The following AFF2 variants were observed in gnomAD, a reference collection of about 807,000 sequenced individuals.
AFF2 encodes the protein ALF transcription elongation factor 2.
In AFF2, 14 loss-of-function variants were observed where a neutral mutation model predicts 76.9. The ratio of observed to expected loss-of-function variants is 0.18; its 90% CI spans 0.12 to 0.28. The LOEUF (loss-of-function observed/expected upper bound fraction) is 0.28. AFF2 is among the 10% of genes least tolerant of loss of function. The pLI is 1.00. For missense variants in AFF2, 868 were observed against 1,001.1 expected (o/e 0.87, Z 1.79); for synonymous variants, 398 against 366.7 (o/e 1.09, Z -0.98).
intron 16 of AFF2, among the ~76,000 whole-genome samples, chrX:148,975,683 G>A (rs2085626998): frequency 4.6e-5 from 5 of 109,368 alleles, no homozygotes; most frequent in Admixed American, 2.0e-4. Flanking sequence ...GGTGGCTCAC[G>A]CCTGTAATCC....
intron 1 of AFF2, among the ~76,000 whole-genome samples, chrX:148,537,023 AT>A (rs1338319287): frequency 1.8e-5 from 2 of 112,552 alleles, no homozygotes; most frequent in African/African-American, 6.5e-5. Context: ...ATTAAAGAAA[AT>A]TTTAATTAAA....
chrX:148,618,157 C>G lies in AFF2; in HGVS notation c.48-33842C>G, dbSNP rs1557250750. 3.6e-5 allele frequency among the ~76,000 whole-genome samples: 4 copies of G among 111,189 alleles called. No homozygotes were observed. In the East Asian group the frequency reaches 8.5e-4, roughly 24 times the overall value. On this transcript the variant is annotated intron_variant, in intron 1 of 20. Transcript: ENST00000370460. Reference sequence around the variant, plus strand: ...CTAACTCTTTAAAAGTTCTAAATATCTGTTTGAGTCATTAAAAAAAATCTT... The same window carrying G: ...CTAACTCTTTAAAAGTTCTAAATATGTGTTTGAGTCATTAAAAAAAATCTT...
chrX:148,861,238 T>C (rs2070844823), intron 7 of AFF2, among the ~76,000 whole-genome samples: 1 of 111,947 alleles, frequency 8.9e-6, no homozygotes, highest in African/African-American at 3.2e-5. Flanking sequence ...TTAGGCTATA[T>C]GGTCTTATTT....
chrX:148,573,353 G>A (rs1557242815), intron 1 of AFF2, among the ~76,000 whole-genome samples: 1 of 111,223 alleles, frequency 9.0e-6, no homozygotes, highest in African/African-American at 3.3e-5. Context: ...TGCAATGAGT[G>A]GTCTTGGGGT....
chrX:148,630,130 A>G (rs2053965612), intron 1 of AFF2, among the ~76,000 whole-genome samples: 2 of 111,406 alleles, frequency 1.8e-5, no homozygotes, highest in Admixed American at 9.5e-5. Context: ...GGGTCTTACC[A>G]GAGCTTCTCT....
chrX:148,549,191 A>G (rs1052571149), intron 1 of AFF2, among the ~76,000 whole-genome samples: 1 of 112,297 alleles, frequency 8.9e-6, no homozygotes, highest in Non-Finnish European at 1.9e-5. Flanking sequence ...GCTTGGAAAT[A>G]GCAGAGACTC....
chrX:148,763,223 A>G (rs185645888), intron 3 of AFF2, among the ~76,000 whole-genome samples: 1 of 112,250 alleles, frequency 8.9e-6, no homozygotes, highest in East Asian at 2.8e-4. Flanking sequence ...CTGATAAAGT[A>G]TTTAGTGAAT....
At chrX:148,885,511 T>G (rs2124145578) in intron 7 of AFF2, among the ~76,000 whole-genome samples, 1 of 111,101 alleles carries the variant, frequency 9.0e-6, no homozygotes, top group Non-Finnish European at 1.9e-5. Flanking sequence ...CATGCCCCTC[T>G]TCTTTCATGG....
chrX:148,999,018 C>G lies in AFF2; in HGVS notation c.*7686C>G, dbSNP rs966548759. 2.7e-5 allele frequency: 3 copies of G among 111,213 alleles called. No homozygotes were observed. The highest frequency in any genetic ancestry group is 1.9e-4 in the Admixed American group (2 of 10,422). The allele number at this position is 111,213 out of a possible 1,213,427, so 9.2% of individuals were successfully genotyped here. A position where few individuals can be genotyped will look rare whatever the true frequency, so the allele number is the denominator to read the frequency against. ...TATCGATGGGTTTTCAAAGAATGCT[C>G]CATGTTCATTGGGCCCTTTCACACC... On this transcript the variant is annotated 3_prime_UTR_variant, in exon 21 of 21. Transcript: ENST00000370460.
intron 3 of AFF2, among the ~76,000 whole-genome samples, chrX:148,664,601 T>G (rs782542935): frequency 8.9e-6 from 1 of 112,108 alleles, no homozygotes; most frequent in Non-Finnish European, 1.9e-5. Context: ...TTGTAGTGAT[T>G]TAGTTATGTT....
chrX:148,771,152 G>A (rs1380171399), intron 3 of AFF2, among the ~76,000 whole-genome samples: 2 of 111,730 alleles, frequency 1.8e-5, no homozygotes, highest in Non-Finnish European at 3.8e-5. Context: ...AAGGAAGCCC[G>A]CATATGGATT....
chrX:148,524,994 T>C (rs797035471), intron 1 of AFF2, among the ~76,000 whole-genome samples: 2 of 112,423 alleles, frequency 1.8e-5, no homozygotes, highest in South Asian at 7.2e-4. Flanking sequence ...AAATTAACTG[T>C]ACAAAAAGCT....
At position 148,631,872 on chromosome X, in the gene AFF2, T is replaced by C. The variant is rs1046625936; in HGVS notation, c.48-20127T>C. ...CCACAAAGGCTCAGATCAGCTATGG[T>C]TCAAACTTCTGTTTGTGTGGATATG... On this transcript the variant is annotated intron_variant, in intron 1 of 20. Coordinates refer to ENST00000370460, the MANE Select transcript of AFF2 (RefSeq NM_002025.4). Among the ~76,000 whole-genome samples, 3 of 112,118 alleles carry C rather than the reference T, an allele frequency of 2.7e-5. No individual in the cohort carries two copies. In the South Asian group the frequency reaches 1.1e-3, roughly 41 times the overall value.
In AFF2 at chrX:148,999,259, G is replaced by A. The variant is rs782203749; in HGVS notation, c.*7927G>A. 3 of 111,153 alleles carry A rather than the reference G, an allele frequency of 2.7e-5. No individual in the cohort carries two copies. The highest frequency in any genetic ancestry group is 9.6e-5 in the Admixed American group (1 of 10,416). 9.2% of individuals were successfully genotyped at this position (111,153 alleles called of 1,213,427 possible). ...CTTTGTATCTAACAGGCACATTCAC[G>A]TCTCGTGTACTCATATGAAGTATTT... On this transcript the variant is annotated 3_prime_UTR_variant, in exon 21 of 21. Transcript: ENST00000370460.
At position 148,997,154 on chromosome X, in the gene AFF2, G is replaced by C. The variant is rs1461106683; in HGVS notation, c.*5822G>C. ...TCTGAACTCAAACCAGAATATCTCT[G>C]TATCAATTGCATGACTATTCAGAAA... On this transcript the variant is annotated 3_prime_UTR_variant, in exon 21 of 21. Transcript: ENST00000370460. 1 of 111,805 alleles carries C rather than the reference G, an allele frequency of 8.9e-6. No homozygotes were observed. The highest frequency in any genetic ancestry group is 9.5e-5 in the Admixed American group (1 of 10,486). 9.2% of individuals were successfully genotyped at this position (111,805 alleles called of 1,213,427 possible). A position where few individuals can be genotyped will look rare whatever the true frequency, so the allele number is the denominator to read the frequency against.
At chrX:148,847,578 A>G (rs141489380) in intron 7 of AFF2, among the ~76,000 whole-genome samples, 25 of 111,753 alleles carry the variant, frequency 2.2e-4, no homozygotes, top group African/African-American at 7.8e-4. Context: ...GGTATTAACT[A>G]TATGTTTTAA....
At chrX:148,935,474 A>G (rs2071764140) in intron 9 of AFF2, among the ~76,000 whole-genome samples, 1 of 110,829 alleles carries the variant, frequency 9.0e-6, no homozygotes, top group South Asian at 3.8e-4. Context: ...TCATATTCCT[A>G]TCATCCTTTT....
At chrX:148,913,325 A>C (rs1557282166) in intron 9 of AFF2, among the ~76,000 whole-genome samples, 1 of 112,459 alleles carries the variant, frequency 8.9e-6, no homozygotes, top group Non-Finnish European at 1.9e-5. Context: ...TGTATTATGT[A>C]ACTTTATTTA....
At chrX:148,575,746 A>G (rs1022843485) in intron 1 of AFF2, among the ~76,000 whole-genome samples, 1 of 110,634 alleles carries the variant, frequency 9.0e-6, no homozygotes, top group Non-Finnish European at 1.9e-5. Context: ...TCCCATTGCA[A>G]TAGCCATCTC....
Sources: allele counts gnomAD v4.1 joint callset (sites outside exome capture counted in the v4.1 genomes callset), GRCh38; gene constraint gnomAD v4.1.1; transcripts MANE v1.5; gene names NCBI Gene and HGNC (gene_info 2026-07-23, HGNC 2026-07-21).